Variants in DTHD1 observed in about 807,000 individuals in gnomAD.
DTHD1 encodes death domain-containing protein 1.
Under a neutral mutation model 74.8 loss-of-function variants are expected in DTHD1, and 59 were observed. The observed-to-expected ratio is 0.79, with a 90% CI of 0.64 to 0.98. The LOEUF (loss-of-function observed/expected upper bound fraction) is 0.98. Ranked by LOEUF, DTHD1 falls within the 50% of genes least tolerant of loss-of-function variation. The pLI, the probability that DTHD1 is intolerant of heterozygous loss-of-function variation, is 0.00. For missense variants in DTHD1, 1,051 were observed against 1,065.4 expected (o/e 0.99, Z 0.19); for synonymous variants, 365 against 371.1 (o/e 0.98, Z 0.19).
At chr4:36,314,475 G>C (rs1478387426) in intron 7 of DTHD1, among the ~76,000 whole-genome samples, 1 of 134,592 alleles carries the variant, frequency 7.4e-6, no homozygotes, top group African/African-American at 2.8e-5. Context: ...GAGAGTTCGA[G>C]ACCAGCCTGA....
At chr4:36,303,856 G>A (rs755885079) in intron 5 of DTHD1, among the ~76,000 whole-genome samples, 17 of 152,204 alleles carry the variant, frequency 1.1e-4, no homozygotes, top group South Asian at 2.1e-4. Flanking sequence ...AACAGCCACT[G>A]TTCGGTTGCT....
At position 36,306,230 on chromosome 4, in the gene DTHD1, C is replaced by T; in HGVS notation, c.1683C>T (p.Ala561=). 6.4e-7 allele frequency: 1 copy of T among 1,551,706 alleles called. No homozygotes were observed. Among genetic ancestry groups the T allele is most frequent in the Non-Finnish European group, 8.7e-7 (1 of 1,146,978 alleles). The part of the protein sequence containing the change: ...IASIRKPRKN[A]SECLKLLGFR... ...CCATAAGAAAACCTAGGAAAAATGC[C>T]AGTGAATGTTTGAAATTACTGGGAT... is the stretch of plus-strand genomic sequence containing the variant. Residue 561 remains alanine, a synonymous_variant, in exon 6 of 10, where the codon GCC becomes GCT. Coordinates refer to ENST00000639862, the MANE Select transcript of DTHD1 (RefSeq NM_001170700.3).
intron 5 of DTHD1, among the ~76,000 whole-genome samples, chr4:36,298,308 A>G (rs1171347360): frequency 2.6e-5 from 4 of 152,174 alleles, no homozygotes; most frequent in Admixed American, 2.6e-4. Context: ...ATTGCAACAT[A>G]GTAAGTGCTA....
chr4:36,342,452 G>T (rs1476400533), intron 9 of DTHD1, among the ~76,000 whole-genome samples: 3 of 152,122 alleles, frequency 2.0e-5, no homozygotes, highest in Non-Finnish European at 2.9e-5. Context: ...CTATAATGCA[G>T]GGAAGGGCTG....
At chr4:36,292,270 G>C (rs955153756) in intron 3 of DTHD1, among the ~76,000 whole-genome samples, 2 of 152,042 alleles carry the variant, frequency 1.3e-5, no homozygotes, top group African/African-American at 4.8e-5. Flanking sequence ...GTCACAAAAT[G>C]GGTTTGGAAG....
intron 7 of DTHD1, chr4:36,315,847 GACAATGATAC>G (rs1757680187): frequency 6.4e-6 from 1 of 155,188 alleles, no homozygotes; most frequent in South Asian, 1.9e-4. Context: ...TTTGACAAAA[GACAATGATAC>G]ACAAAAGTTT....
At chr4:36,298,764 AG>A (rs900756014) in intron 5 of DTHD1, among the ~76,000 whole-genome samples, 1 of 152,220 alleles carries the variant, frequency 6.6e-6, no homozygotes, top group African/African-American at 2.4e-5. Context: ...ATAGCAGTAA[AG>A]AGGAACAATA....
At chr4:36,322,711 C>G (rs1044328154) in intron 8 of DTHD1, among the ~76,000 whole-genome samples, 8 of 152,074 alleles carry the variant, frequency 5.3e-5, no homozygotes, top group Admixed American at 2.0e-4. Context: ...GAAAATGATC[C>G]CACAAACAAT....
chr4:36,317,285 C>T (rs181525961), intron 8 of DTHD1, among the ~76,000 whole-genome samples: 45 of 152,198 alleles, frequency 3.0e-4, no homozygotes, highest in Admixed American at 7.2e-4. Context: ...GGATGTGCTG[C>T]GCTAGGCTTT....
intron 8 of DTHD1, among the ~76,000 whole-genome samples, chr4:36,327,786 T>C (rs750160878): frequency 2.2e-4 from 33 of 152,246 alleles, no homozygotes; most frequent in Non-Finnish European, 3.8e-4. Flanking sequence ...ATATTCCATT[T>C]ATATTTTCTG....
At chr4:36,330,001 A>G (rs1758576187) in intron 8 of DTHD1, among the ~76,000 whole-genome samples, 1 of 152,260 alleles carries the variant, frequency 6.6e-6, no homozygotes, top group Admixed American at 6.5e-5. Context: ...GGCAACAAAT[A>G]TGTTTTAAAA....
rs1759546951 is a variant in DTHD1, at chr4:36,345,582, T to G, written c.*1758T>G. On this transcript the variant is annotated 3_prime_UTR_variant, in exon 10 of 10. Transcript: ENST00000639862. ...TATATCAAAAAAGGCGATTCCCATT[T>G]TCAAACATAGTCCCATAAAGGAATA... 1 of 152,208 alleles carries G rather than the reference T, an allele frequency of 6.6e-6. No individual in the cohort carries two copies. The highest frequency in any genetic ancestry group is 2.1e-4 in the South Asian group (1 of 4,826). The allele number at this position is 152,208 out of a possible 1,614,324, so 9.4% of individuals were successfully genotyped here.
chr4:36,330,972 A>G (rs1758626746), intron 8 of DTHD1, among the ~76,000 whole-genome samples: 2 of 152,082 alleles, frequency 1.3e-5, no homozygotes, highest in Admixed American at 1.3e-4. Flanking sequence ...TTATGCAATA[A>G]ATGAGCTCAC....
Position 36,308,233 on chromosome 4 carries a change from T to G in DTHD1, c.1835T>G (p.Met612Arg). 2 of 1,552,362 alleles carry G rather than the reference T, an allele frequency of 1.3e-6. No individual in the cohort carries two copies. The highest frequency in any genetic ancestry group is 2.4e-5 in the South Asian group (2 of 84,064). ...RFIVLHLSST[M>R]DNSHLVTFVK... Reference sequence around the variant, plus strand: ...ATTGTACTTCACCTCTCTTCCACCATGGACAATAGTCATTTGGTTACTTTT... The same window carrying G: ...ATTGTACTTCACCTCTCTTCCACCAGGGACAATAGTCATTTGGTTACTTTT... The change falls in exon 7 of 10, where the codon ATG becomes AGG. Residue 612 changes from methionine (M) to arginine (R), a missense_variant. Transcript: ENST00000639862.
At chr4:36,318,487 A>G (rs1452780800) in intron 8 of DTHD1, among the ~76,000 whole-genome samples, 1 of 152,186 alleles carries the variant, frequency 6.6e-6, no homozygotes, top group Non-Finnish European at 1.5e-5. Flanking sequence ...GGTCCATGGG[A>G]AGCATGCATA....
At chr4:36,337,267 C>T (rs1176845409) in intron 8 of DTHD1, among the ~76,000 whole-genome samples, 3 of 152,022 alleles carry the variant, frequency 2.0e-5, no homozygotes, top group Non-Finnish European at 4.4e-5. Context: ...CAACACAGTG[C>T]CTGGAAGTCT....
In DTHD1 at chr4:36,312,585, T is replaced by TA. The variant is rs56071138; in HGVS notation, c.2096-3643dup. 3.5e-4 allele frequency among the ~76,000 whole-genome samples: 50 copies of TA among 144,918 alleles called. 1 individual carries two copies. Among genetic ancestry groups the TA allele is most frequent in the East Asian group, 8.1e-4 (4 of 4,918 alleles). ...GAAGACCTTTCTGGAAAGGTGACAT[T>TA]AAAAAAAAAAAAAAGTCTCTAAGCG... On this transcript the variant is annotated intron_variant, in intron 7 of 9. Transcript: ENST00000639862.
At chr4:36,313,615 A>G (rs1344099658) in intron 7 of DTHD1, among the ~76,000 whole-genome samples, 1 of 152,226 alleles carries the variant, frequency 6.6e-6, no homozygotes, top group Admixed American at 6.5e-5. Flanking sequence ...GTAAATCTTC[A>G]ATAATTTCAT....
Position 36,343,560 on chromosome 4 carries a change from T to G in DTHD1, c.2457T>G (p.Ala819=). ...CTGAGGAGCTCTCAGAAGAAAATGC[T>G]GAGTCTCTTTCCTCAACTCTCCCTC... is the stretch of plus-strand genomic sequence containing the variant. ...WLAEELSEEN[A]ESLSSTLPLR... is the part of the protein sequence containing the mutation. The change falls in exon 10 of 10, where the codon GCT becomes GCG. Residue 819 remains alanine (A), a synonymous_variant. Coordinates refer to ENST00000639862, the MANE Select transcript of DTHD1 (RefSeq NM_001170700.3). The G allele has an allele frequency of 6.4e-7, 1 of 1,551,632 alleles. No individual in the cohort carries two copies. Among genetic ancestry groups the G allele is most frequent in the African/African-American group, 1.4e-5 (1 of 73,172 alleles).
Sources: allele counts gnomAD v4.1 joint callset (sites outside exome capture counted in the v4.1 genomes callset), GRCh38; gene constraint gnomAD v4.1.1; transcripts MANE v1.5; gene names NCBI Gene and HGNC (gene_info 2026-07-23, HGNC 2026-07-21).